Variants in FIGN observed in about 807,000 individuals in gnomAD.
FIGN encodes fidgetin.
In FIGN, 11 loss-of-function variants were observed where a neutral mutation model predicts 51.3. The observed-to-expected ratio is 0.21, with a 90% confidence interval of 0.13 to 0.35. The LOEUF is 0.35. FIGN is among the 10% of genes least tolerant of loss of function. The pLI, the probability that FIGN is intolerant of heterozygous loss-of-function variation, is 1.00. For missense variants in FIGN, 857 were observed against 943.6 expected (o/e 0.91, Z 1.20); for synonymous variants, 407 against 363.2 (o/e 1.12, Z -1.37).
intron 2 of FIGN, among the ~76,000 whole-genome samples, chr2:163,622,269 T>C (rs1469186844): frequency 6.6e-6 from 1 of 152,030 alleles, no homozygotes; most frequent in Non-Finnish European, 1.5e-5. Flanking sequence ...GGGGAGATGA[T>C]GGCTGCAGTG....
At chr2:163,685,415 T>C (rs894986974) in intron 2 of FIGN, among the ~76,000 whole-genome samples, 4 of 152,184 alleles carry the variant, frequency 2.6e-5, no homozygotes, top group Non-Finnish European at 4.4e-5. Flanking sequence ...GTTTTTCAGA[T>C]CAATCACTTT....
Position 163,697,100 on chromosome 2 carries a change from C to CTTTTTTTTTTTTTTTTTTTTT in FIGN, c.25+37802_25+37803insAAAAAAAAAAAAAAAAAAAAA, listed in dbSNP as rs1258378034. 3.7e-5 allele frequency among the ~76,000 whole-genome samples: 4 copies of CTTTTTTTTTTTTTTTTTTTTT among 108,432 alleles called. 2 individuals are homozygous for CTTTTTTTTTTTTTTTTTTTTT. The highest frequency in any genetic ancestry group is 7.4e-5 in the African/African-American group (2 of 26,874). The allele number at this position is 108,432 out of a possible 152,430, so 71.1% of individuals were successfully genotyped here. A position where few individuals can be genotyped will look rare whatever the true frequency, so the allele number is the denominator to read the frequency against. ...GTCATAATTTTTTTTCTTTTCTTTT[C>CTTTTTTTTTTTTTTTTTTTTT]TTTCTTTTTTTTTTTTTTTTGAGAC... On this transcript the variant is annotated intron_variant, in intron 2 of 2. Transcript: ENST00000333129.
intron 2 of FIGN, among the ~76,000 whole-genome samples, chr2:163,648,403 G>A (rs771444595): frequency 2.0e-5 from 3 of 152,096 alleles, no homozygotes; most frequent in South Asian, 2.1e-4. Context: ...CTTTTTAAAC[G>A]ATTAGCCAAG....
intron 2 of FIGN, among the ~76,000 whole-genome samples, chr2:163,701,017 C>G (rs1052455204): frequency 2.6e-5 from 4 of 152,040 alleles, no homozygotes; most frequent in Admixed American, 6.6e-5. Flanking sequence ...TCTTATAGTA[C>G]AATTACTAAG....
chr2:163,650,948 T>C (rs1185141710), intron 2 of FIGN, among the ~76,000 whole-genome samples: 1 of 152,184 alleles, frequency 6.6e-6, no homozygotes, highest in Non-Finnish European at 1.5e-5. Flanking sequence ...TGACTTTGTA[T>C]AGGAGCTAAA....
chr2:163,679,955 A>G (rs1573945634), intron 2 of FIGN, among the ~76,000 whole-genome samples: 1 of 152,324 alleles, frequency 6.6e-6, no homozygotes, highest in Admixed American at 6.5e-5. Context: ...ATGAAACTCA[A>G]TACTTACCAA....
intron 2 of FIGN, among the ~76,000 whole-genome samples, chr2:163,643,923 ACT>A (rs1348132373): frequency 7.6e-6 from 1 of 131,468 alleles, no homozygotes; most frequent in African/African-American, 3.1e-5. Flanking sequence ...CAAGAGCGAA[ACT>A]CTGTCTCAAA....
At chr2:163,728,302 G>T (rs983521301) in intron 2 of FIGN, among the ~76,000 whole-genome samples, 1 of 151,842 alleles carries the variant, frequency 6.6e-6, no homozygotes, top group Non-Finnish European at 1.5e-5. Flanking sequence ...GATAGTGGCA[G>T]TACTTGGCAA....
intron 2 of FIGN, among the ~76,000 whole-genome samples, chr2:163,652,353 C>CAA (rs1354048763): frequency 1.5e-5 from 2 of 129,826 alleles, no homozygotes; most frequent in African/African-American, 6.1e-5. Context: ...AACACACACA[C>CAA]ACACACAAAC....
intron 2 of FIGN, among the ~76,000 whole-genome samples, chr2:163,669,338 A>G (rs971046711): frequency 2.4e-4 from 37 of 152,148 alleles, no homozygotes; most frequent in Non-Finnish European, 8.8e-5. Flanking sequence ...CATCCTCCTG[A>G]GTAGCTGGGA....
intron 2 of FIGN, among the ~76,000 whole-genome samples, chr2:163,629,544 G>A (rs1683110912): frequency 6.6e-6 from 1 of 151,952 alleles, no homozygotes; most frequent in Non-Finnish European, 1.5e-5. Context: ...AAGGATATGG[G>A]GGAAAATCTG....
At chr2:163,730,304 C>T (rs1260969964) in intron 2 of FIGN, among the ~76,000 whole-genome samples, 1 of 152,030 alleles carries the variant, frequency 6.6e-6, no homozygotes, top group African/African-American at 2.4e-5. Flanking sequence ...ACCAAAGCAG[C>T]TATGCTTAAA....
At chr2:163,704,656 T>TCTCTCTCA (rs72286438) in intron 2 of FIGN, among the ~76,000 whole-genome samples, 15 of 129,790 alleles carry the variant, frequency 1.2e-4, no homozygotes, top group African/African-American at 4.1e-4. Context: ...TCTCTCTCTC[T>TCTCTCTCA]CACACACACA....
At chr2:163,730,862 A>T (rs1684916826) in intron 2 of FIGN, among the ~76,000 whole-genome samples, 1 of 152,150 alleles carries the variant, frequency 6.6e-6, no homozygotes, top group Admixed American at 6.5e-5. Flanking sequence ...ATTCCTGGTA[A>T]TTAAATTTAT....
intron 2 of FIGN, among the ~76,000 whole-genome samples, chr2:163,704,654 T>A (rs1479331556): frequency 5.0e-4 from 66 of 132,042 alleles, no homozygotes; most frequent in African/African-American, 2.0e-3. Context: ...TCTCTCTCTC[T>A]CTCACACACA....
intron 2 of FIGN, among the ~76,000 whole-genome samples, chr2:163,698,584 C>G (rs895252539): frequency 6.6e-6 from 1 of 152,096 alleles, no homozygotes; most frequent in Non-Finnish European, 1.5e-5. Context: ...CACCACCTTC[C>G]CTGCTTGCTA....
chr2:163,674,380 A>G (rs1268908417), intron 2 of FIGN, among the ~76,000 whole-genome samples: 1 of 152,200 alleles, frequency 6.6e-6, no homozygotes, highest in Non-Finnish European at 1.5e-5. Context: ...TGACTTCGTC[A>G]CTATTTGCAG....
intron 2 of FIGN, among the ~76,000 whole-genome samples, chr2:163,728,538 A>C (rs187749121): frequency 1.8e-3 from 271 of 152,268 alleles, no homozygotes; most frequent in Non-Finnish European, 2.8e-3. Context: ...TTCAATCCCC[A>C]GTTCAGATAT....
At chr2:163,620,377 G>T (rs151029905) in intron 2 of FIGN, among the ~76,000 whole-genome samples, 77 of 152,160 alleles carry the variant, frequency 5.1e-4, no homozygotes, top group African/African-American at 1.9e-3. Context: ...TGTCCATAGG[G>T]ACTGCAGTGG....
Sources: allele counts gnomAD v4.1 joint callset (sites outside exome capture counted in the v4.1 genomes callset), GRCh38; gene constraint gnomAD v4.1.1; transcripts MANE v1.5; gene names NCBI Gene and HGNC (gene_info 2026-07-23, HGNC 2026-07-21).